ARHGAP42: variants seen among roughly 807,000 people sequenced by gnomAD.
ARHGAP42 encodes the protein rho GTPase-activating protein 42.
Under a neutral mutation model 125.0 loss-of-function variants are expected in ARHGAP42, and 63 were observed. That is an observed-to-expected ratio of 0.50 (90% CI 0.41 to 0.62). ARHGAP42 has a LOEUF of 0.62. Ranked by LOEUF, ARHGAP42 falls within the 20% of genes least tolerant of loss-of-function variation. ARHGAP42 has a pLI of 0.00. For missense variants in ARHGAP42, 766 were observed against 1,024.2 expected (o/e 0.75, Z 3.44); for synonymous variants, 339 against 351.0 (o/e 0.97, Z 0.38).
chr11:100,806,821 A>ATTTG (rs1186533000), intron 3 of ARHGAP42, among the ~76,000 whole-genome samples: 50 of 141,850 alleles, frequency 3.5e-4, no homozygotes, highest in African/African-American at 1.2e-3. Flanking sequence ...TAAATTTTTT[A>ATTTG]TTTGTTTGTT....
chr11:100,774,111 C>CTA (rs1336087685), intron 2 of ARHGAP42, among the ~76,000 whole-genome samples: 14 of 152,172 alleles, frequency 9.2e-5, no homozygotes, highest in African/African-American at 3.4e-4. Flanking sequence ...CACATATACT[C>CTA]TAAACAGTTA....
chr11:100,795,401 T>C (rs1863686408), intron 3 of ARHGAP42, among the ~76,000 whole-genome samples: 1 of 152,236 alleles, frequency 6.6e-6, no homozygotes, highest in Non-Finnish European at 1.5e-5. Flanking sequence ...TTATTTTGCT[T>C]GCCATTTACT....
chr11:100,861,390 T>C (rs1290232833), intron 4 of ARHGAP42, among the ~76,000 whole-genome samples: 1 of 152,164 alleles, frequency 6.6e-6, no homozygotes, highest in Non-Finnish European at 1.5e-5. Flanking sequence ...CTAAGGGCAG[T>C]GATAAGCAAT....
chr11:100,812,744 A>T (rs1669028205), intron 3 of ARHGAP42, among the ~76,000 whole-genome samples: 1 of 152,238 alleles, frequency 6.6e-6, no homozygotes, highest in African/African-American at 2.4e-5. Context: ...AGCATAGGCA[A>T]ATATGGCTAA....
rs553052112 is a variant in ARHGAP42, at chr11:100,701,000, T to A, written c.154+13168T>A. ...CTCTTAAATCATAAGATTAGAAAGTTGAAATTACTTCTTGATCCATGGGCT... is the reference window on the plus strand; with the variant it reads ...CTCTTAAATCATAAGATTAGAAAGTAGAAATTACTTCTTGATCCATGGGCT... On this transcript the variant is annotated intron_variant, in intron 1 of 23. Transcript: ENST00000298815. Among the ~76,000 whole-genome samples, 3 of 152,328 alleles carry A rather than the reference T, an allele frequency of 2.0e-5. No individual in the cohort carries two copies. The East Asian group carries it at 5.8e-4, about 29-fold the overall frequency.
At chr11:100,829,466 T>C (rs1188266810) in intron 3 of ARHGAP42, among the ~76,000 whole-genome samples, 1 of 152,144 alleles carries the variant, frequency 6.6e-6, no homozygotes, top group Non-Finnish European at 1.5e-5. Context: ...GTATTTTAAC[T>C]GGACACACTG....
rs986790955 is a variant in ARHGAP42, at chr11:100,941,773, C to G, written c.833-11C>G. 1.4e-6 allele frequency: 2 copies of G among 1,470,800 alleles called. No homozygotes were observed. The highest frequency in any genetic ancestry group is 1.8e-6 in the Non-Finnish European group (2 of 1,107,970). The allele number at this position is 1,470,800 out of a possible 1,614,324, so 91.1% of individuals were successfully genotyped here. Reference sequence around the variant, plus strand: ...AACAAAATCTGAAATTTTTTTGTTTCCTTACATTAGGACCGCTTGGTTTTA... The same window carrying G: ...AACAAAATCTGAAATTTTTTTGTTTGCTTACATTAGGACCGCTTGGTTTTA... On this transcript the variant is annotated splice_polypyrimidine_tract_variant and intron_variant, in intron 8 of 23. Coordinates refer to ENST00000298815, the MANE Select transcript of ARHGAP42 (RefSeq NM_152432.4).
At chr11:100,827,170 T>G (rs1257714997) in intron 3 of ARHGAP42, among the ~76,000 whole-genome samples, 1 of 152,008 alleles carries the variant, frequency 6.6e-6, no homozygotes, top group African/African-American at 2.4e-5. Context: ...GCCCAACTAA[T>G]TTTTGTATTT....
intron 5 of ARHGAP42, among the ~76,000 whole-genome samples, chr11:100,913,965 G>A (rs1339561877): frequency 6.6e-6 from 1 of 152,040 alleles, no homozygotes; most frequent in Non-Finnish European, 1.5e-5. Context: ...GATGGAGTTT[G>A]GCTGTGTCGC....
intron 4 of ARHGAP42, among the ~76,000 whole-genome samples, chr11:100,892,424 AC>A (rs1357835733): frequency 1.3e-5 from 2 of 152,000 alleles, no homozygotes; most frequent in African/African-American, 2.4e-5. Context: ...TATTGTATTT[AC>A]TAAAAAATCC....
At chr11:100,851,573 T>C (rs1222798918) in intron 3 of ARHGAP42, among the ~76,000 whole-genome samples, 1 of 152,206 alleles carries the variant, frequency 6.6e-6, no homozygotes, top group East Asian at 1.9e-4. Flanking sequence ...TGAACACCTT[T>C]GTTATTGGTT....
chr11:100,827,574 G>A (rs1864552564), intron 3 of ARHGAP42, among the ~76,000 whole-genome samples: 1 of 152,352 alleles, frequency 6.6e-6, no homozygotes, highest in South Asian at 2.1e-4. Flanking sequence ...GGTAATGCCA[G>A]TAGGATGGGA....
chr11:100,794,051 G>A (rs1195100594), intron 2 of ARHGAP42, among the ~76,000 whole-genome samples: 5 of 101,526 alleles, frequency 4.9e-5, no homozygotes, highest in African/African-American at 1.5e-4. Flanking sequence ...TCTCCAATCC[G>A]AACAACAGAG....
At chr11:100,746,277 G>T (rs11224427) in intron 1 of ARHGAP42, among the ~76,000 whole-genome samples, 8,345 of 152,234 alleles carry the variant, frequency 0.055, 407 homozygotes, top group East Asian at 0.23. Flanking sequence ...GCTTAGTGTT[G>T]GGAAATGGAA....
intron 1 of ARHGAP42, among the ~76,000 whole-genome samples, chr11:100,727,138 TTC>T (rs1253500664): frequency 6.6e-6 from 1 of 152,222 alleles, no homozygotes; most frequent in African/African-American, 2.4e-5. Flanking sequence ...TCTGAAGTTT[TTC>T]TTTTTCTAAT....
rs759374972 is a variant in ARHGAP42 at position 100,991,995 on chromosome 11, A to G, written c.*3194A>G. 10 of 273,522 alleles carry G rather than the reference A, an allele frequency of 3.7e-5. No homozygotes were observed. The highest frequency in any genetic ancestry group is 6.6e-5 in the African/African-American group (3 of 45,790). 16.9% of individuals were successfully genotyped at this position (273,522 alleles called of 1,614,324 possible). On this transcript the variant is annotated 3_prime_UTR_variant, in exon 24 of 24. Coordinates refer to ENST00000298815, the MANE Select transcript of ARHGAP42 (RefSeq NM_152432.4). ...GTGGCATCCTTCATAAAAATTCACT[A>G]TGTTGTGAGGCAAACAGATTTCTCA...
chr11:100,825,747 T>TTTGCTG (rs1864502083), intron 3 of ARHGAP42, among the ~76,000 whole-genome samples: 1 of 152,190 alleles, frequency 6.6e-6, no homozygotes, highest in Non-Finnish European at 1.5e-5. Flanking sequence ...TTTTCATTCT[T>TTTGCTG]TTGCTGCAGT....
At chr11:100,697,331 C>T (rs111857101) in intron 1 of ARHGAP42, among the ~76,000 whole-genome samples, 1 of 152,116 alleles carries the variant, frequency 6.6e-6, no homozygotes, top group Non-Finnish European at 1.5e-5. Context: ...TACGGGCGCC[C>T]GGCACCACGC....
At chr11:100,888,249 C>G (rs1331574256) in intron 4 of ARHGAP42, among the ~76,000 whole-genome samples, 1 of 149,520 alleles carries the variant, frequency 6.7e-6, no homozygotes, top group Non-Finnish European at 1.5e-5. Flanking sequence ...AAAAAAAAAG[C>G]TTTTCCATAA....
Sources: gnomAD v4.1 joint callset for allele counts (sites outside exome capture counted in the v4.1 genomes callset) on GRCh38, gnomAD v4.1.1 for gene constraint, MANE v1.5 for transcripts, NCBI Gene and HGNC (gene_info 2026-07-23, HGNC 2026-07-21) for gene names.